The following GET1 variants were observed in gnomAD, a reference collection of about 807,000 sequenced individuals.
The protein encoded by GET1 is congenital heart disease 5 protein.
GET1 carries 20 observed loss-of-function variants against 22.6 expected under a neutral mutation model. That is an observed-to-expected ratio of 0.89 (90% CI 0.62 to 1.29). The LOEUF is 1.29. GET1 is among the 50% of genes most tolerant of loss of function. The pLI, the probability that GET1 is intolerant of heterozygous loss-of-function variation, is 0.00. For missense variants in GET1, 209 were observed against 219.9 expected, an observed-to-expected ratio of 0.95 and a Z score of 0.31; for synonymous variants, 92 against 83.8, an observed-to-expected ratio of 1.10 and a Z score of -0.53.
At chr21:39,410,198 T>C, downstream of GET1, 1 of 1,253,146 alleles carries the variant, frequency 8.0e-7, no homozygotes, top group Admixed American at 1.8e-5. Context: ...ATAGAACAAG[T>C]GACTGTAGCC....
At chr21:39,390,911 G>C in intron 2 of GET1, 48 bp downstream of exon 2, 1 of 1,601,294 alleles carries the variant, frequency 6.2e-7, no homozygotes, top group Non-Finnish European at 8.5e-7. Flanking sequence ...CGGATGAATA[G>C]AGAAGTCTGT....
chr21:39,385,547 G>A (rs903884538), intron 1 of GET1, among the ~76,000 whole-genome samples: 1 of 152,202 alleles, frequency 6.6e-6, no homozygotes, highest in Non-Finnish European at 1.5e-5. Context: ...TCAGTAGGTG[G>A]TCCAGGACTT....
chr21:39,411,788 C>G, intron 1 of GET1: 1 of 1,584,302 alleles, frequency 6.3e-7, no homozygotes, highest in Non-Finnish European at 8.6e-7. Context: ...TAATTTCAAG[C>G]TCACGATCCT....
chr21:39,406,449 G>T lies in GET1; in HGVS notation c.*465G>T. 6.2e-7 allele frequency: 1 copy of T among 1,613,908 alleles called. No individual in the cohort carries two copies. ...CTCTTACTAGAACATCTTCTTGATT[G>T]CTTTCTCTTTCAGGATGAATAACTT... On this transcript the variant is annotated 3_prime_UTR_variant, in exon 5 of 5. Transcript: ENST00000415847.
chr21:39,407,189 T>C (rs535468094), downstream of GET1, among the ~76,000 whole-genome samples: 3 of 152,324 alleles, frequency 2.0e-5, no homozygotes, highest in Admixed American at 2.0e-4. Context: ...ACTGTGCCAC[T>C]GCATACCAGC....
chr21:39,414,764 G>T (rs1233348604), intron 1 of GET1, among the ~76,000 whole-genome samples: 4 of 151,228 alleles, frequency 2.6e-5, no homozygotes, highest in Admixed American at 2.6e-4. Context: ...GTGTGTGTGT[G>T]TGTGTGTGTG....
rs369300742 is a variant in GET1, at chr21:39,393,160, T to C, written c.337-6T>C. On this transcript the variant is annotated splice_region_variant and splice_polypyrimidine_tract_variant and intron_variant, in intron 3 of 4. Transcript: ENST00000649170. ...GCTGCTTTGCTCACCAGAGGTGTCT[T>C]TACAGGCTGCCCTGATGATCTCACT... 166 of 1,613,576 alleles carry C rather than the reference T, an allele frequency of 1.0e-4. No homozygotes were observed. The African/African-American group carries it at 1.2e-3, about 12-fold the overall frequency.
intron 4 of GET1, among the ~76,000 whole-genome samples, chr21:39,404,715 T>C (rs1386148423): frequency 1.6e-5 from 2 of 125,098 alleles, no homozygotes; most frequent in Non-Finnish European, 3.1e-5. Flanking sequence ...TTGTTATCAC[T>C]GCACTCCAGC....
chr21:39,413,495 T>C (rs1389636331), intron 1 of GET1, among the ~76,000 whole-genome samples: 1 of 152,256 alleles, frequency 6.6e-6, no homozygotes, highest in East Asian at 1.9e-4. Flanking sequence ...TTTTTGTACC[T>C]GAATTGTACA....
downstream of GET1, among the ~76,000 whole-genome samples, chr21:39,398,199 G>T (rs1040724451): frequency 2.0e-5 from 3 of 152,188 alleles, no homozygotes; most frequent in East Asian, 3.9e-4. Flanking sequence ...GCCCACAAAG[G>T]ATGAGAAGCC....
chr21:39,427,429 G>A (rs1165785604), intron 1 of GET1, among the ~76,000 whole-genome samples: 7 of 152,104 alleles, frequency 4.6e-5, no homozygotes, highest in South Asian at 2.1e-4. Flanking sequence ...TTGGGAGGCC[G>A]AGGCAGGCGG....
At position 39,380,696 on chromosome 21, in the gene GET1, G is replaced by T. The variant is rs542027267; in HGVS notation, c.102+210G>T. On this transcript the variant is annotated intron_variant, in intron 1 of 4. Transcript: ENST00000649170. ...GACTTTCTGGGTTCTAGGGGGTTGG[G>T]AGAAACACCGGGCAACCCTGGACTC... 47 of 1,378,600 alleles carry T rather than the reference G, an allele frequency of 3.4e-5. 1 individual carries two copies. In the South Asian group the frequency reaches 7.6e-4, roughly 22 times the overall value. The allele number at this position is 1,378,600 out of a possible 1,614,324, so 85.4% of individuals were successfully genotyped here.
At chr21:39,409,225 G>A (rs1004246068), downstream of GET1, among the ~76,000 whole-genome samples, 4 of 152,128 alleles carry the variant, frequency 2.6e-5, no homozygotes, top group Non-Finnish European at 5.9e-5. This position sits in a 1 kb window ranked among gnomAD's most constrained non-coding sequence, Gnocchi z 4.2. Context: ...AGTGAGAAGC[G>A]GGACATCTAA....
At chr21:39,380,830 G>T (rs2037511029) in intron 1 of GET1, 4 of 1,008,242 alleles carry the variant, frequency 4.0e-6, no homozygotes, top group African/African-American at 1.7e-5. Context: ...AGCAGCCCTC[G>T]GCCAGGGTTT....
chr21:39,424,867 AG>A (rs1420134721), intron 1 of GET1, among the ~76,000 whole-genome samples: 2 of 152,228 alleles, frequency 1.3e-5, no homozygotes. Flanking sequence ...ATTGAATTTG[AG>A]TATGTTAAAT....
rs139247744 is a variant in GET1, at chr21:39,415,059, G to A, written c.*23+4122G>A. Among the ~76,000 whole-genome samples the A allele has an allele frequency of 4.7e-3, 719 of 152,114 alleles. 7 individuals carry two copies. The highest frequency in any genetic ancestry group is 0.016 in the African/African-American group (670 of 41,494). On this transcript the variant is annotated intron_variant, in intron 1 of 1. Transcript: ENST00000478273. The stretch of plus-strand genomic sequence containing the variant: ...TGGGATTACAGGCTTGTGCCACCAT[G>A]CCCAGATAATTTCTAAATTTTTTTG...
At chr21:39,423,440 A>C in intron 1 of GET1, 1 of 1,591,104 alleles carries the variant, frequency 6.3e-7, no homozygotes, top group Non-Finnish European at 8.5e-7. Context: ...TGAGAATTAA[A>C]GAGTGATGCA....
chr21:39,406,328 G>C (rs1569055411), exon 5 of GET1: 1 of 1,614,172 alleles, frequency 6.2e-7, no homozygotes, highest in Admixed American at 1.7e-5. Flanking sequence ...AATGAGTAAT[G>C]TCTTCTTTGT....
At chr21:39,411,220 G>T (rs1453169056), downstream of GET1, 4 of 248,440 alleles carry the variant, frequency 1.6e-5, no homozygotes, top group African/African-American at 4.6e-5. Context: ...TGAGGTAGGG[G>T]ACTACTGACT....
Sources: allele counts gnomAD v4.1 joint callset (sites outside exome capture counted in the v4.1 genomes callset), GRCh38; gene constraint gnomAD v4.1.1; non-coding constraint Gnocchi (gnomAD v3.1); transcripts MANE v1.5; gene names NCBI Gene and HGNC (gene_info 2026-07-23, HGNC 2026-07-21).